Variants in DAPK3 observed in about 807,000 individuals in gnomAD.
DAPK3 encodes the protein death-associated protein kinase 3.
A neutral mutation model predicts 30.6 loss-of-function variants in DAPK3; 24 were observed. That is an observed-to-expected ratio of 0.78 (90% CI 0.57 to 1.10). The LOEUF (loss-of-function observed/expected upper bound fraction) is 1.10. Ranked by LOEUF, DAPK3 falls within the 50% of genes least tolerant of loss-of-function variation. DAPK3 has a pLI of 0.00. For missense variants in DAPK3, 629 were observed against 657.3 expected (o/e 0.96, Z 0.47); for synonymous variants, 341 against 284.0 (o/e 1.20, Z -2.02).
Position 3,958,776 on chromosome 19 carries a change from G to A in DAPK3, c.*325C>T. On this transcript the variant is annotated 3_prime_UTR_variant, in exon 9 of 9. Coordinates refer to ENST00000545797, the MANE Select transcript of DAPK3 (RefSeq NM_001348.3). ...CCTCCTCCGGGCCTGAACCAGGGCT[G>A]CATTCGGGCCGCCTCTGCGCCTCGG... 1.9e-6 allele frequency: 1 copy of A among 528,024 alleles called. No homozygotes were observed. Among genetic ancestry groups the A allele is most frequent in the East Asian group, 3.4e-5 (1 of 29,330 alleles). 32.7% of individuals were successfully genotyped at this position (528,024 alleles called of 1,614,324 possible).
chr19:3,969,471 AACAC>A (rs2039613086), intron 2 of DAPK3, among the ~76,000 whole-genome samples, 199 bp downstream of exon 2: 1 of 152,166 alleles, frequency 6.6e-6, no homozygotes, highest in African/African-American at 2.4e-5. Flanking sequence ...CCCCACAGGA[AACAC>A]ACAGAGGATT....
At chr19:3,964,068 G>T in intron 4 of DAPK3, 149 bp from the exon 5 acceptor site, 1 of 810,050 alleles carries the variant, frequency 1.2e-6, no homozygotes, top group Non-Finnish European at 2.0e-6. Flanking sequence ...CTGACGGGTA[G>T]GACAGCGGGG....
chr19:3,970,972 C>A lies in DAPK3; in HGVS notation c.-146G>T, dbSNP rs1180566275. Reference sequence around the variant, plus strand: ...CGTCCTCCGCGGGCCCCCGAAGCGCCGCTCTGGCCCCACCCAGCCCTCCAG... The same window carrying A: ...CGTCCTCCGCGGGCCCCCGAAGCGCAGCTCTGGCCCCACCCAGCCCTCCAG... On this transcript the variant is annotated 5_prime_UTR_variant, in exon 1 of 9. Transcript: ENST00000545797. 1.3e-5 allele frequency: 2 copies of A among 153,082 alleles called. No individual in the cohort carries two copies. Among genetic ancestry groups the A allele is most frequent in the Admixed American group, 6.5e-5 (1 of 15,294 alleles). 9.5% of individuals were successfully genotyped at this position (153,082 alleles called of 1,614,324 possible).
Position 3,969,747 on chromosome 19 carries a change from C to T in DAPK3, c.-12G>A, listed in dbSNP as rs752088700. 8.1e-6 allele frequency: 13 copies of T among 1,606,264 alleles called. No homozygotes were observed. The highest frequency in any genetic ancestry group is 1.0e-5 in the Non-Finnish European group (12 of 1,175,174). On this transcript the variant is annotated 5_prime_UTR_variant, in exon 2 of 9. Coordinates refer to ENST00000545797, the MANE Select transcript of DAPK3 (RefSeq NM_001348.3). ...CTGAACGTGGACATGGCGGCCGGTC[C>T]GCCTTCCAGCAGCTTCCACTCCAGG...
In DAPK3 at chr19:3,969,818, C is replaced by A; in HGVS notation, c.-83G>T. The A allele has an allele frequency of 1.1e-6, 1 of 901,150 alleles. No individual in the cohort carries two copies. Among genetic ancestry groups the A allele is most frequent in the East Asian group, 2.4e-5 (1 of 41,142 alleles). The allele number at this position is 901,150 out of a possible 1,614,324, so 55.8% of individuals were successfully genotyped here. A position where few individuals can be genotyped will look rare whatever the true frequency, so the allele number is the denominator to read the frequency against. ...CTGGAGATAGGACCTCAGGAGTCCC[C>A]TAATGGCAACCCTGGAGAAGACAGG... On this transcript the variant is annotated 5_prime_UTR_variant, in exon 2 of 9. The change creates a new upstream start codon in the 5' untranslated region. Coordinates refer to ENST00000545797, the MANE Select transcript of DAPK3 (RefSeq NM_001348.3).
At position 3,961,170 on chromosome 19, in the gene DAPK3, C is replaced by T; in HGVS notation, c.630-9G>A. 2 of 1,609,726 alleles carry T rather than the reference C, an allele frequency of 1.2e-6. No homozygotes were observed. The highest frequency in any genetic ancestry group is 1.7e-6 in the Non-Finnish European group (2 of 1,178,472). On this transcript the variant is annotated splice_polypyrimidine_tract_variant and intron_variant, in intron 6 of 8. Transcript: ENST00000545797. ...GGGATGCACCGCTCAGGCTGCGAGA[C>T]AGGCGTGGGGGCTCAGTGGGGTCCT...
In DAPK3 at chr19:3,962,504, G is replaced by A. The variant is rs116965244; in HGVS notation, c.629+1139C>T. 8.8e-3 allele frequency among the ~76,000 whole-genome samples: 1,332 copies of A among 151,430 alleles called. 8 individuals carry two copies. Among genetic ancestry groups the A allele is most frequent in the Non-Finnish European group, 0.014 (962 of 67,768 alleles). On this transcript the variant is annotated intron_variant, in intron 6 of 8. Coordinates refer to ENST00000545797, the MANE Select transcript of DAPK3 (RefSeq NM_001348.3). ...TTTTAAAAATTAGCCAGCTGGGCAC[G>A]GTGGCTCACACCTGTCATCCCAGCA...
At chr19:3,964,568 T>TAG in intron 3 of DAPK3, 63 bp downstream of exon 3, 2 of 1,321,026 alleles carry the variant, frequency 1.5e-6, no homozygotes, top group Non-Finnish European at 2.1e-6. Context: ...TCCAGGCTCT[T>TAG]CCCCGCCCCA....
At chr19:3,968,274 C>T (rs540828374) in intron 2 of DAPK3, among the ~76,000 whole-genome samples, 1 of 152,300 alleles carries the variant, frequency 6.6e-6, no homozygotes, top group South Asian at 2.1e-4. Context: ...GCAGGTGAAT[C>T]ACCTGAGGTC....
chr19:3,963,506 T>A lies in DAPK3; in HGVS notation c.629+137A>T, dbSNP rs1191881426. On this transcript the variant is annotated intron_variant, in intron 6 of 8. Transcript: ENST00000545797. Reference sequence around the variant, plus strand: ...GCAGCCACAGAGAATCACTCATCCGTTCACCCGGTATCCCCTGAGTACCCG... The same window carrying A: ...GCAGCCACAGAGAATCACTCATCCGATCACCCGGTATCCCCTGAGTACCCG... 5.4e-6 allele frequency: 3 copies of A among 552,656 alleles called. No homozygotes were observed. In the African/African-American group the frequency reaches 5.9e-5, roughly 11 times the overall value. The allele number at this position is 552,656 out of a possible 1,614,324, so 34.2% of individuals were successfully genotyped here.
chr19:3,965,771 C>A (rs961564046), intron 2 of DAPK3, among the ~76,000 whole-genome samples: 3 of 151,998 alleles, frequency 2.0e-5, no homozygotes, highest in African/African-American at 7.2e-5. Flanking sequence ...CTCGGGCAAT[C>A]CTCCTGCCTC....
Position 3,964,966 on chromosome 19 carries a change from A to G in DAPK3, c.88T>C (p.Cys30Arg). 6.2e-7 allele frequency: 1 copy of G among 1,608,052 alleles called. No individual in the cohort carries two copies. The change falls in exon 3 of 9, where the codon TGC becomes CGC. Residue 30 changes from cysteine (C) to arginine (R), a missense_variant. Around this residue, in one of 2 missense-constraint regions of DAPK3, gnomAD observed 306 missense variants for 378.5 expected, o/e 0.81. Transcript: ENST00000545797. ...GSGQFAIVRK[C>R]RQKGTGKEYA... ...TCCTTGCCCGTGCCCTTCTGCCGGC[A>G]CTTCCGCACGATCGCAAACTGGCCG...
At chr19:3,961,485 TG>T (rs1372405041) in intron 6 of DAPK3, 1 of 543,262 alleles carries the variant, frequency 1.8e-6, no homozygotes, top group Non-Finnish European at 3.7e-6. Context: ...GTAACTGCAG[TG>T]GGGAGCCCGA....
intron 5 of DAPK3, 78 bp from the exon 6 acceptor site, chr19:3,963,747 T>C (rs767053248): frequency 8.5e-6 from 11 of 1,297,280 alleles, no homozygotes; most frequent in Non-Finnish European, 1.1e-5. Context: ...CCAGCGCCCC[T>C]GTTCTAGGGC....
At chr19:3,964,568 T>TGCCCCCCCCCAACCCCCCC in intron 3 of DAPK3, 63 bp downstream of exon 3, 1 of 1,321,030 alleles carries the variant, frequency 7.6e-7, no homozygotes. Context: ...TCCAGGCTCT[T>TGCCCCCCCCCAACCCCCCC]CCCCGCCCCA....
At chr19:3,966,805 G>T (rs973412844) in intron 2 of DAPK3, among the ~76,000 whole-genome samples, 1 of 152,186 alleles carries the variant, frequency 6.6e-6, no homozygotes, top group Non-Finnish European at 1.5e-5. Context: ...TCCTCCTACA[G>T]CAACAGCAGA....
Position 3,959,573 on chromosome 19 carries a change from T to G in DAPK3, c.893A>C (p.Lys298Thr). 1 of 1,583,770 alleles carries G rather than the reference T, an allele frequency of 6.3e-7. No individual in the cohort carries two copies. The highest frequency in any genetic ancestry group is 8.5e-7 in the Non-Finnish European group (1 of 1,173,986). ...SGRKPERRRL[K>T]TTRLKEYTIK... ...GGTGTACTCCTTCAGACGCGTGGTC[T>G]TCAGGCGCCGCCGCTCGGGCTTGCG... The change falls in exon 9 of 9, where the codon AAG (lysine) becomes ACG (threonine). Residue 298 changes from lysine (K) to threonine (T), a missense_variant. Around this residue, in one of 2 missense-constraint regions of DAPK3, gnomAD observed 323 missense variants for 278.8 expected, o/e 1.16. Coordinates refer to ENST00000545797, the MANE Select transcript of DAPK3 (RefSeq NM_001348.3).
chr19:3,959,289 G>A lies in DAPK3; in HGVS notation c.1177C>T (p.Arg393Trp), dbSNP rs750145142. 13 of 1,597,048 alleles carry A rather than the reference G, an allele frequency of 8.1e-6. No individual in the cohort carries two copies. The highest frequency in any genetic ancestry group is 1.1e-5 in the Non-Finnish European group (13 of 1,178,218). Residue 393 changes from arginine (R) to tryptophan (W), a missense_variant, in exon 9 of 9, where the codon CGG (arginine) becomes TGG (tryptophan). Transcript: ENST00000545797. ...QELLKTEALK[R>W]QAQEEAKGAL... ...CCCTTGGCCTCCTCCTGCGCCTGCC[G>A]CTTGAGCGCCTCGGTCTTGAGCAGC...
chr19:3,967,387 A>C (rs7249783), intron 2 of DAPK3, among the ~76,000 whole-genome samples: 4,375 of 152,060 alleles, frequency 0.029, 174 homozygotes, highest in African/African-American at 0.09. Context: ...TGGGAGACGG[A>C]GGTTGCAGTG....
Sources: allele counts gnomAD v4.1 joint callset (sites outside exome capture counted in the v4.1 genomes callset), GRCh38; gene constraint gnomAD v4.1.1; regional missense constraint gnomAD v4.1.1; transcripts MANE v1.5; gene names NCBI Gene and HGNC (gene_info 2026-07-23, HGNC 2026-07-21).